The following SENP7 variants were observed in gnomAD, a reference collection of about 807,000 sequenced individuals.
SENP7 encodes sentrin-specific protease 7.
SENP7 carries 64 observed loss-of-function variants against 141.2 expected under a neutral mutation model. That is an observed-to-expected ratio of 0.45 (90% CI 0.37 to 0.56). The LOEUF (loss-of-function observed/expected upper bound fraction) is 0.56, where lower values mean the gene tolerates loss of function less well. Ranked by LOEUF, SENP7 falls within the 20% of genes least tolerant of loss-of-function variation. The pLI, the probability that SENP7 is intolerant of heterozygous loss-of-function variation, is 0.00. For synonymous variants in SENP7, 382 were observed against 426.4 expected, an observed-to-expected ratio of 0.90 and a Z score of 1.28; for missense variants, 1,025 against 1,212.2, an observed-to-expected ratio of 0.85 and a Z score of 2.29.
chr3:101,429,159 G>A (rs957839328), intron 4 of SENP7, among the ~76,000 whole-genome samples: 5 of 152,112 alleles, frequency 3.3e-5, no homozygotes, highest in Admixed American at 6.5e-5. Flanking sequence ...GCTTAGGATT[G>A]TCTTGGCTAC....
intron 4 of SENP7, among the ~76,000 whole-genome samples, chr3:101,422,604 C>A (rs1272878102): frequency 1.3e-5 from 2 of 152,014 alleles, no homozygotes; most frequent in African/African-American, 4.8e-5. Context: ...CTTTTTAGAA[C>A]CATCCAACTG....
rs2064950739 is a variant in SENP7, at chr3:101,491,128, T to TC, written c.186+2744_186+2745insG. On this transcript the variant is annotated intron_variant, in intron 3 of 23. Coordinates refer to ENST00000394095, the MANE Select transcript of SENP7 (RefSeq NM_020654.5). Reference sequence around the variant, plus strand: ...GATTTTATTTGCTTCATTTTATACTTTTTTTTTTTTTTTTGAGACAGGGTC... The same window carrying TC: ...GATTTTATTTGCTTCATTTTATACTTCTTTTTTTTTTTTTTGAGACAGGGTC... Among the ~76,000 whole-genome samples the TC allele has an allele frequency of 1.4e-5, 2 of 147,150 alleles. 1 individual carries two copies. The highest frequency in any genetic ancestry group is 4.2e-4 in the South Asian group (2 of 4,748).
At chr3:101,404,896 G>T (rs1007689473) in intron 5 of SENP7, among the ~76,000 whole-genome samples, 2 of 152,178 alleles carry the variant, frequency 1.3e-5, no homozygotes, top group Non-Finnish European at 2.9e-5. Context: ...AAAACAATGT[G>T]AAGAGACACA....
At chr3:101,346,779 G>GTAT (rs2059466093) in intron 13 of SENP7, among the ~76,000 whole-genome samples, 1 of 151,680 alleles carries the variant, frequency 6.6e-6, no homozygotes, top group Middle Eastern at 3.2e-3. Flanking sequence ...AGGGGGTGAG[G>GTAT]GATAAAAGAC....
At chr3:101,464,418 A>C (rs2063692330) in intron 3 of SENP7, among the ~76,000 whole-genome samples, 1 of 151,748 alleles carries the variant, frequency 6.6e-6, no homozygotes, top group African/African-American at 2.4e-5. Context: ...ATTTACAGCC[A>C]CTCCCCATTA....
intron 3 of SENP7, among the ~76,000 whole-genome samples, chr3:101,474,535 C>T (rs967528228): frequency 2.0e-5 from 3 of 152,078 alleles, no homozygotes; most frequent in Admixed American, 2.0e-4. Flanking sequence ...ATTTTGTATG[C>T]TGAGACTTTG....
intron 3 of SENP7, among the ~76,000 whole-genome samples, chr3:101,490,338 A>G (rs1353577413): frequency 1.3e-5 from 2 of 152,202 alleles, no homozygotes; most frequent in African/African-American, 4.8e-5. Context: ...GATAAATGTT[A>G]GCAATATTAT....
At chr3:101,331,192 T>C (rs2059039363) in intron 19 of SENP7, among the ~76,000 whole-genome samples, 1 of 152,166 alleles carries the variant, frequency 6.6e-6, no homozygotes, top group Non-Finnish European at 1.5e-5. Context: ...CAAAATATCA[T>C]GTTGTAGCCA....
At chr3:101,394,460 T>C (rs1043218644) in intron 6 of SENP7, among the ~76,000 whole-genome samples, 1 of 152,184 alleles carries the variant, frequency 6.6e-6, no homozygotes, top group Non-Finnish European at 1.5e-5. Flanking sequence ...AGATAAATAC[T>C]AGTAGCAGGA....
In SENP7 at chr3:101,327,771, T is replaced by C. The variant is rs778761426; in HGVS notation, c.2910A>G (p.Gln970=). 3.0e-5 allele frequency: 48 copies of C among 1,611,276 alleles called. No homozygotes were observed. The highest frequency in any genetic ancestry group is 8.4e-5 in the Admixed American group (5 of 59,710). The change falls in exon 23 of 24, where the codon CAA becomes CAG. Residue 970 remains glutamine (Q), a synonymous_variant. Transcript: ENST00000394095. ...EWEVKLKTHR[Q]FSKTNMVDLC... is the part of the protein sequence containing the mutation. ...GATCCACCATGTTTGTTTTGCTGAATTGACGATGAGTTTTTAGTTTAACTT... is the reference window on the plus strand; with the variant it reads ...GATCCACCATGTTTGTTTTGCTGAACTGACGATGAGTTTTTAGTTTAACTT...
At position 101,324,306 on chromosome 3, in the gene SENP7, A is replaced by T. The variant is rs2058849944; in HGVS notation, c.*1637T>A. 6.6e-6 allele frequency: 1 copy of T among 152,140 alleles called. No individual in the cohort carries two copies. The highest frequency in any genetic ancestry group is 1.5e-5 in the Non-Finnish European group (1 of 68,008). 9.4% of individuals were successfully genotyped at this position (152,140 alleles called of 1,614,324 possible). ...ATTGGAAATATGTTTAATATAAAAC[A>T]CTGATATCCTCAAAACATTACTTGC... On this transcript the variant is annotated 3_prime_UTR_variant, in exon 24 of 24. Coordinates refer to ENST00000394095, the MANE Select transcript of SENP7 (RefSeq NM_020654.5).
intron 4 of SENP7, among the ~76,000 whole-genome samples, chr3:101,432,959 A>C (rs542733815): frequency 7.2e-4 from 109 of 152,300 alleles, no homozygotes; most frequent in African/African-American, 2.3e-3. Context: ...AAAAGAAAGA[A>C]TATCATAACA....
At chr3:101,353,677 C>T (rs900727538) in intron 11 of SENP7, among the ~76,000 whole-genome samples, 10 of 152,034 alleles carry the variant, frequency 6.6e-5, no homozygotes, top group East Asian at 1.9e-4. Flanking sequence ...CTTAATTTCT[C>T]GTACTATCAA....
chr3:101,424,652 C>G (rs562356048), intron 4 of SENP7, among the ~76,000 whole-genome samples: 1 of 152,244 alleles, frequency 6.6e-6, no homozygotes, highest in South Asian at 2.1e-4. Context: ...TACCACCACA[C>G]CCGTGCCAAC....
intron 4 of SENP7, among the ~76,000 whole-genome samples, chr3:101,426,570 C>T (rs2061966155): frequency 6.6e-6 from 1 of 151,808 alleles, no homozygotes; most frequent in African/African-American, 2.4e-5. Flanking sequence ...ACCTCTGCCT[C>T]CCAGGCTCAA....
intron 20 of SENP7, among the ~76,000 whole-genome samples, chr3:101,329,753 C>T (rs1183381809): frequency 8.1e-6 from 1 of 123,504 alleles, no homozygotes; most frequent in Non-Finnish European, 1.6e-5. Flanking sequence ...GTCTAGCCAA[C>T]ATGGCAAAAC....
At chr3:101,488,220 A>G (rs1320207443) in intron 3 of SENP7, among the ~76,000 whole-genome samples, 1 of 151,920 alleles carries the variant, frequency 6.6e-6, no homozygotes, top group Admixed American at 6.6e-5. Flanking sequence ...TTTTAAGCCT[A>G]TTGCAAATGG....
chr3:101,417,660 A>G lies in SENP7; in HGVS notation c.415T>C (p.Ser139Pro), dbSNP rs1344517692. Residue 139 changes from serine (S) to proline (P), a missense_variant, in exon 5 of 24, where the codon TCT becomes CCT. Transcript: ENST00000394095. ...TGACATGTCTCTAGGCTGTCAACAG[A>G]TGTCGAAGGCAATGAGTCTGATTGC... Reference protein sequence around the residue: ...KVQSDSLPSTSVDSLETCQKL... With the variant: ...KVQSDSLPSTPVDSLETCQKL... 1 of 1,613,878 alleles carries G rather than the reference A, an allele frequency of 6.2e-7. No individual in the cohort carries two copies. Among genetic ancestry groups the G allele is most frequent in the East Asian group, 2.2e-5 (1 of 44,872 alleles).
rs1036352214 is a variant in SENP7, at chr3:101,339,997, T to G, written c.2357+98A>C. Reference sequence around the variant, plus strand: ...AAATCTGAAATCTTGGCAGGCTACTTTTAACAGAATTTAAAATAATTCAGA... The same window carrying G: ...AAATCTGAAATCTTGGCAGGCTACTGTTAACAGAATTTAAAATAATTCAGA... On this transcript the variant is annotated intron_variant, in intron 16 of 23. Transcript: ENST00000394095. 2.9e-6 allele frequency: 4 copies of G among 1,401,500 alleles called. No homozygotes were observed. In the East Asian group the frequency reaches 1.1e-4, roughly 39 times the overall value. 86.8% of individuals were successfully genotyped at this position (1,401,500 alleles called of 1,614,324 possible).
Sources: gnomAD v4.1 joint callset for allele counts (sites outside exome capture counted in the v4.1 genomes callset) on GRCh38, gnomAD v4.1.1 for gene constraint, MANE v1.5 for transcripts, NCBI Gene and HGNC (gene_info 2026-07-23, HGNC 2026-07-21) for gene names.